The following IQCM variants were observed in gnomAD, a reference collection of about 807,000 sequenced individuals.
The protein encoded by IQCM is IQ motif containing M, also known as IQ domain-containing protein M.
IQCM carries 45 observed loss-of-function variants against 57.6 expected under a neutral mutation model. The ratio of observed to expected loss-of-function variants is 0.78; its 90% confidence interval spans 0.62 to 1.00. The LOEUF (loss-of-function observed/expected upper bound fraction) is 1.00, where lower values mean the gene tolerates loss of function less well. IQCM is among the 50% of genes least tolerant of loss of function. The pLI is 0.00. For synonymous variants in IQCM, 148 were observed against 158.9 expected (o/e 0.93, Z 0.51); for missense variants, 468 against 511.6 (o/e 0.91, Z 0.82).
chr4:149,655,344 T>G (rs539150639), intron 7 of IQCM, among the ~76,000 whole-genome samples: 30 of 152,290 alleles, frequency 2.0e-4, no homozygotes, highest in African/African-American at 6.5e-4. Flanking sequence ...TAAAACTCTT[T>G]TCTTACATCC....
intron 7 of IQCM, among the ~76,000 whole-genome samples, chr4:149,625,715 G>A (rs1756732767): frequency 6.6e-6 from 1 of 152,126 alleles, no homozygotes; most frequent in African/African-American, 2.4e-5. Context: ...GCTAGCTTTG[G>A]AGGAGAGGAA....
intron 8 of IQCM, among the ~76,000 whole-genome samples, chr4:149,604,059 A>AAT (rs1289513207): frequency 6.6e-6 from 1 of 152,150 alleles, no homozygotes; most frequent in Admixed American, 6.5e-5. Context: ...AAGTTTTCAT[A>AAT]ATATATATAA....
At chr4:149,545,096 G>T (rs1163846638) in intron 12 of IQCM, among the ~76,000 whole-genome samples, 1 of 152,106 alleles carries the variant, frequency 6.6e-6, no homozygotes, top group Non-Finnish European at 1.5e-5. Context: ...CAGCCACTTG[G>T]GAGGTTGAAG....
chr4:149,463,091 G>A (rs1436610904), intron 12 of IQCM, among the ~76,000 whole-genome samples: 1 of 152,184 alleles, frequency 6.6e-6, no homozygotes, highest in East Asian at 1.9e-4. Flanking sequence ...CCTCTGGTTA[G>A]GAAAAATTTT....
chr4:149,415,478 A>G (rs553170689), intron 13 of IQCM, among the ~76,000 whole-genome samples: 1 of 152,302 alleles, frequency 6.6e-6, no homozygotes, highest in South Asian at 2.1e-4. Flanking sequence ...AAATCACATA[A>G]TAAATGGAAA....
chr4:149,721,286 T>G (rs1403384480), intron 5 of IQCM, among the ~76,000 whole-genome samples: 2 of 152,132 alleles, frequency 1.3e-5, no homozygotes, highest in Non-Finnish European at 2.9e-5. Flanking sequence ...TTTTTTTCTT[T>G]TATTTATATT....
intron 7 of IQCM, among the ~76,000 whole-genome samples, chr4:149,631,228 A>C (rs1757237306): frequency 6.6e-6 from 1 of 152,160 alleles, no homozygotes; most frequent in Admixed American, 6.5e-5. Context: ...CTGGGAGAGA[A>C]CTATCGGACT....
intron 12 of IQCM, among the ~76,000 whole-genome samples, chr4:149,470,311 G>C (rs1262410378): frequency 1.3e-5 from 2 of 150,874 alleles, no homozygotes; most frequent in East Asian, 3.9e-4. Flanking sequence ...AAAAAAAGCA[G>C]GGGTTGCAAT....
intron 7 of IQCM, 54 bp downstream of exon 7, chr4:149,682,064 T>G (rs1762218949): frequency 1.5e-6 from 1 of 667,600 alleles, no homozygotes; most frequent in African/African-American, 1.9e-5. Context: ...TTTAAATGAA[T>G]GCAAAATAAT....
intron 5 of IQCM, among the ~76,000 whole-genome samples, chr4:149,686,812 C>A (rs1762574671): frequency 6.6e-6 from 1 of 151,436 alleles, no homozygotes; most frequent in Non-Finnish European, 1.5e-5. Context: ...TAATCATTAT[C>A]ATCACAAAGC....
At chr4:149,464,421 A>G (rs1738628647) in intron 12 of IQCM, among the ~76,000 whole-genome samples, 1 of 152,134 alleles carries the variant, frequency 6.6e-6, no homozygotes, top group East Asian at 1.9e-4. Context: ...GTCTAGGATT[A>G]GAAGCTCTCC....
rs541009985 is a variant in IQCM at position 149,609,409 on chromosome 4, A to G, written c.681+11720T>C. On this transcript the variant is annotated intron_variant, in intron 8 of 13. Transcript: ENST00000636793. ...ATTCTACAAGGCCAGTATTATGCTG[A>G]TACAAAAACCAGACAAAGCCAGAAC... is the stretch of plus-strand genomic sequence containing the variant. 2.7e-4 allele frequency among the ~76,000 whole-genome samples: 41 copies of G among 152,018 alleles called. 1 individual carries two copies. Among genetic ancestry groups the G allele is most frequent in the South Asian group, 2.5e-3 (12 of 4,832 alleles).
intron 12 of IQCM, among the ~76,000 whole-genome samples, chr4:149,481,709 T>G (rs1204483681): frequency 7.5e-6 from 1 of 133,058 alleles, no homozygotes; most frequent in African/African-American, 2.7e-5. Context: ...TTGTTTTTTT[T>G]TTTTTTTTTT....
At chr4:149,479,035 T>C (rs1364292076) in intron 12 of IQCM, among the ~76,000 whole-genome samples, 1 of 152,070 alleles carries the variant, frequency 6.6e-6, no homozygotes, top group East Asian at 1.9e-4. Context: ...AATAAAAACT[T>C]TTGACAGAAT....
chr4:149,516,754 C>T (rs1745012547), intron 12 of IQCM, among the ~76,000 whole-genome samples: 1 of 151,972 alleles, frequency 6.6e-6, no homozygotes, highest in African/African-American at 2.4e-5. Context: ...ACATTACGTT[C>T]TGCTTGCCTA....
intron 12 of IQCM, among the ~76,000 whole-genome samples, chr4:149,448,823 T>C (rs184040881): frequency 6.6e-6 from 1 of 151,928 alleles, no homozygotes; most frequent in East Asian, 1.9e-4. Flanking sequence ...AAATTGAATG[T>C]GTGGTTAAGC....
intron 12 of IQCM, among the ~76,000 whole-genome samples, chr4:149,523,978 T>C (rs775592428): frequency 6.6e-6 from 1 of 152,154 alleles, no homozygotes; most frequent in Non-Finnish European, 1.5e-5. Context: ...GCTTTGTGTA[T>C]AATAACCCTA....
At chr4:149,499,650 T>A (rs745807829) in intron 12 of IQCM, among the ~76,000 whole-genome samples, 2 of 152,096 alleles carry the variant, frequency 1.3e-5, no homozygotes, top group African/African-American at 2.4e-5. Flanking sequence ...AACACCTATA[T>A]ACCTTATAGG....
At chr4:149,747,516 G>T (rs1036598215) in intron 2 of IQCM, among the ~76,000 whole-genome samples, 6 of 152,132 alleles carry the variant, frequency 3.9e-5, no homozygotes, top group Non-Finnish European at 8.8e-5. Flanking sequence ...TGCACATTCA[G>T]TACAGACACA....
Sources: gnomAD v4.1 joint callset for allele counts (sites outside exome capture counted in the v4.1 genomes callset) on GRCh38, gnomAD v4.1.1 for gene constraint, MANE v1.5 for transcripts, NCBI Gene and HGNC (gene_info 2026-07-23, HGNC 2026-07-21) for gene names.